P2RX1: variants seen among roughly 807,000 people sequenced by gnomAD.
P2RX1 encodes purinergic receptor P2X 1, also known as P2X purinoceptor 1.
P2RX1 carries 42 observed loss-of-function variants against 50.3 expected under a neutral mutation model. The ratio of observed to expected loss-of-function variants is 0.83; its 90% confidence interval spans 0.65 to 1.08. The LOEUF is 1.08. Among genes scored for constraint, P2RX1 ranks in the 50% least tolerant of loss-of-function variants. The probability of loss-of-function intolerance (pLI) is 0.00; values close to 1 mark genes in which losing one functional copy is unlikely to be tolerated. For missense variants in P2RX1, 449 were observed against 529.0 expected, an observed-to-expected ratio of 0.85 and a Z score of 1.48; for synonymous variants, 199 against 202.6, an observed-to-expected ratio of 0.98 and a Z score of 0.15.
chr17:3,902,516 G>A (rs1030825498), intron 7 of P2RX1, among the ~76,000 whole-genome samples: 1 of 151,790 alleles, frequency 6.6e-6, no homozygotes, highest in African/African-American at 2.4e-5. Context: ...GGCTGGTCTC[G>A]AACTCCTGAC....
At position 3,903,613 on chromosome 17, in the gene P2RX1, C is replaced by T; in HGVS notation, c.543G>A (p.Glu181=). ...TGATGAAAAGAGTGAAGTTCTCGGC[C>T]TCTCGGAGAAGGGCAGGGCTGGAGG... ...DDIPRPALLR[E]AENFTLFIKN... The change falls in exon 6 of 12, where the codon GAG becomes GAA. Residue 181 remains glutamate (E), a synonymous_variant. Transcript: ENST00000225538. The surrounding 1 kb of genome is among the most constrained non-coding windows in gnomAD (Gnocchi z 4.6). 1 of 1,613,936 alleles carries T rather than the reference C, an allele frequency of 6.2e-7. No individual in the cohort carries two copies. Among genetic ancestry groups the T allele is most frequent in the Non-Finnish European group, 8.5e-7 (1 of 1,179,960 alleles).
chr17:3,903,897 T>C lies in P2RX1; in HGVS notation c.524+31A>G. 1 of 1,569,960 alleles carries C rather than the reference T, an allele frequency of 6.4e-7. No homozygotes were observed. Among genetic ancestry groups the C allele is most frequent in the Non-Finnish European group, 8.8e-7 (1 of 1,139,672 alleles). On this transcript the variant is annotated intron_variant, in intron 5 of 11. Transcript: ENST00000225538. The surrounding 1 kb of genome is among the most constrained non-coding windows in gnomAD (Gnocchi z 4.6). ...CCCCTCTGTCTGGCCTGGGACCCTGTTCTTAGCTCTCTGGAAGGTCAGAGT... is the reference window on the plus strand; with the variant it reads ...CCCCTCTGTCTGGCCTGGGACCCTGCTCTTAGCTCTCTGGAAGGTCAGAGT...
intron 1 of P2RX1, among the ~76,000 whole-genome samples, chr17:3,911,608 G>T (rs2056366580): frequency 7.0e-6 from 1 of 143,730 alleles, no homozygotes; most frequent in Non-Finnish European, 1.5e-5. Context: ...ACCCCTGCCT[G>T]CTCCAGGCCC....
At chr17:3,900,974 A>G (rs901271958) in intron 7 of P2RX1, among the ~76,000 whole-genome samples, 1 of 152,202 alleles carries the variant, frequency 6.6e-6, no homozygotes, top group African/African-American at 2.4e-5. Context: ...ACAGGAGAAG[A>G]GCTGGAAGGT....
At position 3,916,271 on chromosome 17, in the gene P2RX1, G is replaced by C; in HGVS notation, c.-46C>G. The C allele has an allele frequency of 1.3e-6, 2 of 1,596,940 alleles. No homozygotes were observed. Among genetic ancestry groups the C allele is most frequent in the Non-Finnish European group, 1.7e-6 (2 of 1,170,732 alleles). Reference sequence around the variant, plus strand: ...GAACTGAGCCCCCTGCACGGCCTCTGCTCTCAGGGTGAGCCGGGTGCCACC... The same window carrying C: ...GAACTGAGCCCCCTGCACGGCCTCTCCTCTCAGGGTGAGCCGGGTGCCACC... On this transcript the variant is annotated 5_prime_UTR_variant, in exon 1 of 12. Coordinates refer to ENST00000225538, the MANE Select transcript of P2RX1 (RefSeq NM_002558.4).
rs1448614410 is a variant in P2RX1 at position 3,897,843 on chromosome 17, C to T, written c.1171G>A (p.Gly391Ser). The T allele has an allele frequency of 1.2e-6, 2 of 1,613,430 alleles. No homozygotes were observed. Among genetic ancestry groups the T allele is most frequent in the East Asian group, 2.2e-5 (1 of 44,858 alleles). ...RDLAATSSTL[G>S]LQENMRTS is the part of the protein sequence containing the mutation. The stretch of plus-strand genomic sequence containing the variant: ...GATGTCCTCATGTTCTCCTGCAGGC[C>T]CAGGGTGGAGCTGGTAGCTGCGAGG... Residue 391 changes from glycine (G) to serine (S), a missense_variant, in exon 12 of 12, where the codon GGC becomes AGC. Transcript: ENST00000225538.
intron 7 of P2RX1, among the ~76,000 whole-genome samples, chr17:3,901,224 T>A (rs367643829): frequency 1.1e-4 from 16 of 152,152 alleles, no homozygotes; most frequent in African/African-American, 2.9e-4. Context: ...CCCGCCACCA[T>A]GCCCGGCTAA....
intron 1 of P2RX1, among the ~76,000 whole-genome samples, chr17:3,909,247 G>C (rs2056321469): frequency 6.6e-6 from 1 of 151,902 alleles, no homozygotes; most frequent in Admixed American, 6.6e-5. Flanking sequence ...GGTCAGGCTG[G>C]TCTGGAACTC....
intron 7 of P2RX1, among the ~76,000 whole-genome samples, chr17:3,900,029 A>T (rs959226175): frequency 2.6e-5 from 4 of 151,618 alleles, no homozygotes; most frequent in Non-Finnish European, 4.4e-5. Flanking sequence ...TGAACCTGGG[A>T]GGCGGAGGTT....
Position 3,903,099 on chromosome 17 carries a change from A to C in P2RX1, c.747+103T>G, listed in dbSNP as rs934036421. On this transcript the variant is annotated intron_variant, in intron 7 of 11. Transcript: ENST00000225538. This position sits in a 1 kb window ranked among gnomAD's most constrained non-coding sequence, Gnocchi z 4.6. ...AGGGGACAGACCCATACATATACTC[A>C]GCCCTCACCGAGGAGACTTGGGAAG... The C allele has an allele frequency of 1.3e-6, 2 of 1,503,758 alleles. No homozygotes were observed. Among genetic ancestry groups the C allele is most frequent in the Non-Finnish European group, 1.8e-6 (2 of 1,098,084 alleles). The allele number at this position is 1,503,758 out of a possible 1,614,324, so 93.2% of individuals were successfully genotyped here. A position where few individuals can be genotyped will look rare whatever the true frequency, so the allele number is the denominator to read the frequency against.
chr17:3,905,046 C>A (rs2056236195), intron 2 of P2RX1, 117 bp from the exon 3 acceptor site: 1 of 1,130,928 alleles, frequency 8.8e-7, no homozygotes. Context: ...GCAGCAGCCA[C>A]CACACCCCCT....
At chr17:3,916,054 GGC>G in intron 1 of P2RX1, 33 bp downstream of exon 1, 1 of 1,612,246 alleles carries the variant, frequency 6.2e-7, no homozygotes, top group Non-Finnish European at 8.5e-7. Context: ...CCGGGGTAGG[GGC>G]TGGTGCAGGC....
Position 3,903,983 on chromosome 17 carries a change from T to G in P2RX1, c.469A>C (p.Lys157Gln), listed in dbSNP as rs1170457976. 6.2e-7 allele frequency: 1 copy of G among 1,614,080 alleles called. No individual in the cohort carries two copies. The stretch of plus-strand genomic sequence containing the variant: ...CACCAGCCAAAGATCTCACACGTCT[T>G]CACAGTGTCGTTGAAGGCCACACAC... Reference protein sequence around the residue: ...GKCVAFNDTVKTCEIFGWCPV... With the variant: ...GKCVAFNDTVQTCEIFGWCPV... Residue 157 changes from lysine (K) to glutamine (Q), a missense_variant, in exon 5 of 12, where the codon AAG becomes CAG. Physicochemically the swap from Lys to Gln is moderately conservative, Grantham distance 53 (BLOSUM62 1). Coordinates refer to ENST00000225538, the MANE Select transcript of P2RX1 (RefSeq NM_002558.4). This position sits in a 1 kb window ranked among gnomAD's most constrained non-coding sequence, Gnocchi z 4.6.
At chr17:3,910,011 G>A (rs559019274) in intron 1 of P2RX1, among the ~76,000 whole-genome samples, 2 of 116,516 alleles carry the variant, frequency 1.7e-5, no homozygotes, top group East Asian at 2.6e-4. Context: ...GTCTCGCTCT[G>A]TCCCCCAGAC....
intron 11 of P2RX1, 61 bp from the exon 12 acceptor site, chr17:3,897,940 GC>G (rs1281543301): frequency 1.9e-6 from 3 of 1,604,484 alleles, no homozygotes; most frequent in African/African-American, 2.7e-5. Context: ...AGCTGCCCAC[GC>G]CCCCCACCCC....
chr17:3,916,056 C>T, intron 1 of P2RX1, 33 bp downstream of exon 1: 1 of 1,612,454 alleles, frequency 6.2e-7, no homozygotes, highest in East Asian at 2.2e-5. Flanking sequence ...GGGGTAGGGG[C>T]TGGTGCAGGC....
intron 7 of P2RX1, among the ~76,000 whole-genome samples, chr17:3,900,840 C>T (rs1454341963): frequency 6.6e-6 from 1 of 152,150 alleles, no homozygotes; most frequent in Non-Finnish European, 1.5e-5. Context: ...GGGAGGCAAG[C>T]AGACAATTAC....
Position 3,897,844 on chromosome 17 carries a change from C to T in P2RX1, c.1170G>A (p.Leu390=), listed in dbSNP as rs1275545954. 1 of 1,613,674 alleles carries T rather than the reference C, an allele frequency of 6.2e-7. No homozygotes were observed. Among genetic ancestry groups the T allele is most frequent in the African/African-American group, 1.3e-5 (1 of 75,018 alleles). ...ERDLAATSST[L]GLQENMRTS ...ATGTCCTCATGTTCTCCTGCAGGCCCAGGGTGGAGCTGGTAGCTGCGAGGT... is the reference window on the plus strand; with the variant it reads ...ATGTCCTCATGTTCTCCTGCAGGCCTAGGGTGGAGCTGGTAGCTGCGAGGT... Residue 390 remains leucine (L), a synonymous_variant, in exon 12 of 12, where the codon CTG becomes CTA. Coordinates refer to ENST00000225538, the MANE Select transcript of P2RX1 (RefSeq NM_002558.4).
intron 1 of P2RX1, among the ~76,000 whole-genome samples, chr17:3,906,718 C>T (rs1014072368): frequency 2.6e-5 from 4 of 152,198 alleles, no homozygotes; most frequent in East Asian, 1.9e-4. Context: ...TGAGCTGTCC[C>T]GTTCCTTTGG....
Sources: gnomAD v4.1 joint callset for allele counts (sites outside exome capture counted in the v4.1 genomes callset) on GRCh38, gnomAD v4.1.1 for gene constraint, Gnocchi (gnomAD v3.1) non-coding constraint, MANE v1.5 for transcripts, NCBI Gene and HGNC (gene_info 2026-07-23, HGNC 2026-07-21) for gene names.